The following C8orf34 variants were observed in gnomAD, a reference collection of about 807,000 sequenced individuals.
C8orf34 encodes the protein uncharacterized protein C8orf34.
Under a neutral mutation model 68.3 loss-of-function variants are expected in C8orf34, and 65 were observed. The observed-to-expected ratio is 0.95, with a 90% confidence interval of 0.78 to 1.17. The LOEUF (loss-of-function observed/expected upper bound fraction) is 1.17. C8orf34 is among the 50% of genes most tolerant of loss of function. The pLI is 0.00. For synonymous variants in C8orf34, 244 were observed against 241.2 expected (o/e 1.01, Z -0.11); for missense variants, 664 against 655.4 (o/e 1.01, Z -0.14).
At chr8:68,682,527 T>C (rs867828874) in intron 8 of C8orf34, among the ~76,000 whole-genome samples, 5 of 151,572 alleles carry the variant, frequency 3.3e-5, no homozygotes, top group Non-Finnish European at 7.4e-5. Context: ...GGGCAACTTA[T>C]ACTTTGTTTT....
intron 11 of C8orf34, among the ~76,000 whole-genome samples, chr8:68,785,360 C>CTG: frequency 6.6e-6 from 1 of 152,194 alleles, no homozygotes; most frequent in Non-Finnish European, 1.5e-5. Context: ...CCCTGCTTAT[C>CTG]TGTAAATTGC....
chr8:68,627,714 CTT>C (rs1818576873), intron 7 of C8orf34, among the ~76,000 whole-genome samples: 1 of 152,122 alleles, frequency 6.6e-6, no homozygotes, highest in Non-Finnish European at 1.5e-5. Flanking sequence ...TCCCAGATGT[CTT>C]TATTTTTCTA....
rs936442007 is a variant in C8orf34 at position 68,799,077 on chromosome 8, T to C, written c.1549+11541T>C. ...AGATGATAGAACTATTCTTTTACAA[T>C]GCATAATTATTTGGATTGGAGCAAT... is the stretch of plus-strand genomic sequence containing the variant. On this transcript the variant is annotated intron_variant, in intron 12 of 13. Coordinates refer to ENST00000518698, the MANE Select transcript of C8orf34 (RefSeq NM_052958.4). Among the ~76,000 whole-genome samples, 2 of 152,194 alleles carry C rather than the reference T, an allele frequency of 1.3e-5. 1 individual carries two copies. The highest frequency in any genetic ancestry group is 2.9e-5 in the Non-Finnish European group (2 of 68,024).
At chr8:68,376,651 C>T (rs1055386163) in intron 1 of C8orf34, among the ~76,000 whole-genome samples, 8 of 151,646 alleles carry the variant, frequency 5.3e-5, no homozygotes, top group Non-Finnish European at 1.2e-4. Context: ...CTCTCCAGGC[C>T]CATTTATTCA....
At chr8:68,356,160 C>G (rs1285976506) in intron 1 of C8orf34, among the ~76,000 whole-genome samples, 1 of 152,090 alleles carries the variant, frequency 6.6e-6, no homozygotes, top group African/African-American at 2.4e-5. Flanking sequence ...TCAGGGCAAG[C>G]CTGTCAAATC....
chr8:68,723,534 T>G (rs1384422411), intron 10 of C8orf34, among the ~76,000 whole-genome samples: 1 of 152,162 alleles, frequency 6.6e-6, no homozygotes, highest in African/African-American at 2.4e-5. Context: ...AACCTACTGT[T>G]GCATTAATTT....
At chr8:68,666,596 C>T (rs534427003) in intron 8 of C8orf34, among the ~76,000 whole-genome samples, 1 of 152,276 alleles carries the variant, frequency 6.6e-6, no homozygotes, top group African/African-American at 2.4e-5. Context: ...GGTAGCCACA[C>T]AACATAAGGA....
intron 7 of C8orf34, among the ~76,000 whole-genome samples, chr8:68,629,885 AATG>A (rs1358951331): frequency 6.6e-6 from 1 of 152,070 alleles, no homozygotes; most frequent in Non-Finnish European, 1.5e-5. Context: ...AAAGTGAAGT[AATG>A]ATAAGGGCTT....
chr8:68,762,483 A>G (rs947405784), intron 10 of C8orf34, among the ~76,000 whole-genome samples: 1 of 152,194 alleles, frequency 6.6e-6, no homozygotes, highest in Non-Finnish European at 1.5e-5. Context: ...TACACTATAC[A>G]TGTTACAAGA....
chr8:68,390,790 A>G (rs1344981866), intron 1 of C8orf34, among the ~76,000 whole-genome samples: 1 of 152,118 alleles, frequency 6.6e-6, no homozygotes, highest in African/African-American at 2.4e-5. Context: ...GAGCCAATAG[A>G]GAGTTATTTT....
At chr8:68,589,798 A>AGAG (rs1226846353) in intron 7 of C8orf34, among the ~76,000 whole-genome samples, 1 of 148,288 alleles carries the variant, frequency 6.7e-6, no homozygotes, top group African/African-American at 2.5e-5. Context: ...GAGAGAAGGG[A>AGAG]ATCAGGAAGG....
intron 7 of C8orf34, among the ~76,000 whole-genome samples, chr8:68,553,519 G>A (rs2130078496): frequency 6.6e-6 from 1 of 151,564 alleles, no homozygotes; most frequent in African/African-American, 2.4e-5. Context: ...GTTTTAAATT[G>A]CGATTCAATC....
intron 1 of C8orf34, among the ~76,000 whole-genome samples, chr8:68,367,927 A>AAAAAAAAAAAG (rs1563381861): frequency 2.0e-5 from 3 of 148,018 alleles, no homozygotes; most frequent in African/African-American, 7.5e-5. Context: ...AAAAAAAAAA[A>AAAAAAAAAAAG]AAAAAAAAAA....
chr8:68,656,070 G>A (rs1819502209), intron 8 of C8orf34, among the ~76,000 whole-genome samples: 1 of 152,180 alleles, frequency 6.6e-6, no homozygotes, highest in Non-Finnish European at 1.5e-5. Flanking sequence ...GAAGGTCCCT[G>A]TGCTTGGTGA....
intron 7 of C8orf34, among the ~76,000 whole-genome samples, chr8:68,572,312 TC>T (rs1408111332): frequency 2.6e-5 from 4 of 152,050 alleles, no homozygotes; most frequent in Admixed American, 2.6e-4. Context: ...CAATAATTGG[TC>T]TTCTTAAATG....
rs368442406 is a variant in C8orf34 at position 68,699,762 on chromosome 8, A to G, written c.1242-9232A>G. On this transcript the variant is annotated intron_variant, in intron 8 of 13. Coordinates refer to ENST00000518698, the MANE Select transcript of C8orf34 (RefSeq NM_052958.4). ...AAAATTCTTAAGCCTCTGCCAGGAA[A>G]GTAATTAGCAGTCCAGATAAGACAG... 4.6e-5 allele frequency among the ~76,000 whole-genome samples: 7 copies of G among 152,226 alleles called. No individual in the cohort carries two copies. In the East Asian group the frequency reaches 1.4e-3, roughly 29 times the overall value.
chr8:68,499,504 T>C (rs139909713), intron 5 of C8orf34, among the ~76,000 whole-genome samples: 1 of 152,234 alleles, frequency 6.6e-6, no homozygotes, highest in African/African-American at 2.4e-5. Flanking sequence ...ATGCATTAGG[T>C]GAAGGAGGAT....
chr8:68,508,833 G>A (rs933816800), intron 5 of C8orf34, among the ~76,000 whole-genome samples: 6 of 152,170 alleles, frequency 3.9e-5, no homozygotes, highest in Admixed American at 3.9e-4. Context: ...CAGACAATTT[G>A]AATGGTGAAT....
rs147489874 is a variant in C8orf34, at chr8:68,387,411, G to A, written c.328-52088G>A. ...TTAAGTGGACCTGGGAAAGGAGGCA[G>A]CAGGTGAGGACTATTAAATAGGAAG... On this transcript the variant is annotated intron_variant, in intron 1 of 13. Transcript: ENST00000518698. Among the ~76,000 whole-genome samples the A allele has an allele frequency of 6.6e-3, 1,005 of 152,268 alleles. 10 individuals are homozygous for A. The highest frequency in any genetic ancestry group is 0.021 in the African/African-American group (885 of 41,554).
Sources: gnomAD v4.1 joint callset for allele counts (sites outside exome capture counted in the v4.1 genomes callset) on GRCh38, gnomAD v4.1.1 for gene constraint, MANE v1.5 for transcripts, NCBI Gene and HGNC (gene_info 2026-07-23, HGNC 2026-07-21) for gene names.